WDR75: variants seen among roughly 807,000 people sequenced by gnomAD.
WDR75 encodes the protein WD repeat domain 75, also known as WD repeat-containing protein 75.
WDR75 carries 52 observed loss-of-function variants against 106.1 expected under a neutral mutation model. The ratio of observed to expected loss-of-function variants is 0.49; its 90% CI spans 0.39 to 0.62. The LOEUF is 0.62. Among genes scored for constraint, WDR75 ranks in the 20% least tolerant of loss-of-function variants. The pLI, the probability that WDR75 is intolerant of heterozygous loss-of-function variation, is 0.00. For missense variants in WDR75, 905 were observed against 970.3 expected, an observed-to-expected ratio of 0.93 and a Z score of 0.89; for synonymous variants, 333 against 335.5, an observed-to-expected ratio of 0.99 and a Z score of 0.08.
chr2:189,451,086 A>G, intron 3 of WDR75, 118 bp downstream of exon 3: 1 of 1,261,706 alleles, frequency 7.9e-7, no homozygotes, highest in Non-Finnish European at 1.0e-6. Flanking sequence ...AACAAGTTAC[A>G]AAATAACATC....
intron 2 of WDR75, chr2:189,449,761 G>A (rs1686577055): frequency 1.0e-6 from 1 of 984,496 alleles, no homozygotes; most frequent in African/African-American, 1.7e-5. Flanking sequence ...TGCAGTAATT[G>A]TGATATAAAT....
Position 189,455,431 on chromosome 2 carries a change from C to G in WDR75, c.485C>G (p.Ala162Gly), listed in dbSNP as rs1159860100. Residue 162 changes from alanine (A) to glycine (G), a missense_variant, in exon 5 of 21, where the codon GCC (alanine) becomes GGC (glycine). By Grantham distance (60) the Ala-to-Gly change is moderately conservative. Coordinates refer to ENST00000314761, the MANE Select transcript of WDR75 (RefSeq NM_032168.3). Reference protein sequence around the residue: ...DYINQSPKCIAFGNEGVYVAA... With the variant: ...DYINQSPKCIGFGNEGVYVAA... ...ATAAACCAGTCACCCAAGTGCATTGCCTTTGGAAACGAGGTAAATTTTGTT... is the reference window on the plus strand; with the variant it reads ...ATAAACCAGTCACCCAAGTGCATTGGCTTTGGAAACGAGGTAAATTTTGTT... 6.9e-6 allele frequency: 11 copies of G among 1,602,686 alleles called. No homozygotes were observed. The Admixed American group carries it at 1.8e-4, about 26-fold the overall frequency.
chr2:189,454,349 G>A (rs1445110321), intron 4 of WDR75, among the ~76,000 whole-genome samples: 3 of 152,132 alleles, frequency 2.0e-5, no homozygotes, highest in African/African-American at 7.2e-5. Context: ...CAGAAAAGGA[G>A]ATTTTACCCT....
intron 4 of WDR75, 174 bp downstream of exon 4, chr2:189,452,069 T>TA: frequency 1.8e-6 from 1 of 551,838 alleles, no homozygotes; most frequent in Admixed American, 3.4e-5. Flanking sequence ...AATTCTGAAA[T>TA]ATGCAGTGAG....
At chr2:189,454,466 C>G (rs1296611604) in intron 4 of WDR75, among the ~76,000 whole-genome samples, 3 of 152,018 alleles carry the variant, frequency 2.0e-5, no homozygotes, top group Non-Finnish European at 4.4e-5. Context: ...TTTTAAAACC[C>G]AGCTTAATAC....
chr2:189,443,105 C>T (rs1262352628), intron 1 of WDR75, among the ~76,000 whole-genome samples: 1 of 152,132 alleles, frequency 6.6e-6, no homozygotes, highest in East Asian at 1.9e-4. Context: ...TAATATTGAT[C>T]CTGCCTTCGA....
chr2:189,453,205 C>T (rs79964941), intron 4 of WDR75, among the ~76,000 whole-genome samples: 9,497 of 152,234 alleles, frequency 0.062, 403 homozygotes, highest in Non-Finnish European at 0.097. Context: ...AGTTCGGTTT[C>T]GTATGTTGAA....
chr2:189,470,253 C>T lies in WDR75; in HGVS notation c.1989+8C>T, dbSNP rs1307562125. ...TTCCTAACAAAATCACAGGTAACTG[C>T]CTCCCTCAAAAAAGGCGATCACTTT... On this transcript the variant is annotated splice_region_variant and intron_variant, in intron 17 of 20. Coordinates refer to ENST00000314761, the MANE Select transcript of WDR75 (RefSeq NM_032168.3). 1 of 1,607,476 alleles carries T rather than the reference C, an allele frequency of 6.2e-7. No homozygotes were observed. The highest frequency in any genetic ancestry group is 8.5e-7 in the Non-Finnish European group (1 of 1,176,936).
intron 16 of WDR75, 57 bp downstream of exon 16, chr2:189,469,496 T>C (rs1687074279): frequency 4.1e-6 from 6 of 1,448,690 alleles, no homozygotes; most frequent in African/African-American, 1.4e-5. Context: ...GTTTTCTTCT[T>C]AATATAATTT....
chr2:189,465,957 C>G (rs1174065244), intron 12 of WDR75, among the ~76,000 whole-genome samples: 1 of 152,124 alleles, frequency 6.6e-6, no homozygotes, highest in African/African-American at 2.4e-5. Context: ...TTTAAGAAGT[C>G]ATTTAGGTGA....
chr2:189,457,200 C>T, intron 5 of WDR75, 111 bp from the exon 6 acceptor site: 1 of 694,232 alleles, frequency 1.4e-6, no homozygotes, highest in Non-Finnish European at 2.5e-6. Flanking sequence ...GAGATCGCAC[C>T]ATCACATTCC....
intron 2 of WDR75, chr2:189,450,419 T>A: frequency 6.4e-6 from 6 of 936,962 alleles, no homozygotes; most frequent in Non-Finnish European, 7.6e-6. Flanking sequence ...AGTACAGCGA[T>A]GTGATTGATC....
At chr2:189,470,312 A>G in intron 17 of WDR75, 67 bp downstream of exon 17, 1 of 1,508,400 alleles carries the variant, frequency 6.6e-7, no homozygotes, top group Admixed American at 2.1e-5. Flanking sequence ...GCCCATGACT[A>G]TTGGTGTGAG....
At chr2:189,457,924 C>CTTTTTTTTTTTTTT (rs11395971) in intron 6 of WDR75, among the ~76,000 whole-genome samples, 1 of 116,364 alleles carries the variant, frequency 8.6e-6, no homozygotes, top group Non-Finnish European at 1.7e-5. Context: ...GCCAAGATTG[C>CTTTTTTTTTTTTTT]TTTTTTTTTT....
rs201491463 is a variant in WDR75 at position 189,448,523 on chromosome 2, A to G, written c.216+15A>G. 2.7e-5 allele frequency: 44 copies of G among 1,611,406 alleles called. No homozygotes were observed. The Admixed American group carries it at 6.7e-4, about 25-fold the overall frequency. ...ACCATCTACAGGTGTCAAACAGTTTATAGCTGAATACTTTAAGACTGGCTT... is the reference window on the plus strand; with the variant it reads ...ACCATCTACAGGTGTCAAACAGTTTGTAGCTGAATACTTTAAGACTGGCTT... On this transcript the variant is annotated intron_variant, in intron 2 of 20. Coordinates refer to ENST00000314761, the MANE Select transcript of WDR75 (RefSeq NM_032168.3).
chr2:189,465,215 T>C lies in WDR75; in HGVS notation c.1250T>C (p.Leu417Ser). Residue 417 changes from leucine to serine, a missense_variant, in exon 12 of 21, where the codon TTG becomes TCG. Physicochemically the swap from Leu to Ser is moderately radical, Grantham distance 145. Transcript: ENST00000314761. Reference protein sequence around the residue: ...QRQEKETELELQMKLWMYNKK... With the variant: ...QRQEKETELESQMKLWMYNKK... ...CAAGAAAAGGAAACTGAGCTTGAAT[T>C]GCAAATGAAACTGTGGATGTATAAT... 1 of 1,613,068 alleles carries C rather than the reference T, an allele frequency of 6.2e-7. No homozygotes were observed. The highest frequency in any genetic ancestry group is 8.5e-7 in the Non-Finnish European group (1 of 1,179,298).
chr2:189,443,310 G>A (rs1318166908), intron 1 of WDR75, among the ~76,000 whole-genome samples: 1 of 152,168 alleles, frequency 6.6e-6, no homozygotes, highest in East Asian at 1.9e-4. Context: ...CATTTCAGGT[G>A]GGGAGGACAG....
In WDR75 at chr2:189,474,315, A is replaced by G. The variant is rs34825077; in HGVS notation, c.2179A>G (p.Ile727Val). The G allele has an allele frequency of 5.0e-5, 81 of 1,610,202 alleles. No individual in the cohort carries two copies. In the African/African-American group the frequency reaches 9.5e-4, roughly 19 times the overall value. ...ELVQLPLTEN[I>V]PAISELLHTP... Reference sequence around the variant, plus strand: ...GGTACAACTACCCTTAACAGAAAACATACCCGCAATTAGTGAGGTAAGTAA... The same window carrying G: ...GGTACAACTACCCTTAACAGAAAACGTACCCGCAATTAGTGAGGTAAGTAA... The change falls in exon 19 of 21, where the codon ATA (isoleucine) becomes GTA (valine). Residue 727 changes from isoleucine (I) to valine (V), a missense_variant. By Grantham distance (29) the Ile-to-Val change is conservative. Coordinates refer to ENST00000314761, the MANE Select transcript of WDR75 (RefSeq NM_032168.3).
At chr2:189,474,857 G>A (rs778911301) in intron 20 of WDR75, 49 bp downstream of exon 20, 1 of 1,446,400 alleles carries the variant, frequency 6.9e-7, no homozygotes, top group Non-Finnish European at 9.7e-7. Context: ...TGGGAAACAG[G>A]ATCGTTTGTG....
Sources: gnomAD v4.1 joint callset for allele counts (sites outside exome capture counted in the v4.1 genomes callset) on GRCh38, gnomAD v4.1.1 for gene constraint, MANE v1.5 for transcripts, NCBI Gene and HGNC (gene_info 2026-07-23, HGNC 2026-07-21) for gene names.